Variants in KLHL1 observed in about 807,000 individuals in gnomAD.
KLHL1 encodes the protein kelch like family member 1.
A neutral mutation model predicts 77.7 loss-of-function variants in KLHL1; 47 were observed. The ratio of observed to expected loss-of-function variants is 0.60; its 90% CI spans 0.48 to 0.77. The LOEUF is 0.77. KLHL1 is among the 30% of genes least tolerant of loss of function. KLHL1 has a pLI of 0.00. For synonymous variants in KLHL1, 360 were observed against 325.2 expected, an observed-to-expected ratio of 1.11 and a Z score of -1.15; for missense variants, 925 against 910.8, an observed-to-expected ratio of 1.02 and a Z score of -0.20.
chr13:69,885,139 A>G, intron 4 of KLHL1, among the ~76,000 whole-genome samples: 1 of 145,490 alleles, frequency 6.9e-6, no homozygotes, highest in Non-Finnish European at 1.5e-5. Flanking sequence ...ACGGGGTTTC[A>G]CCGTGTTAGC....
chr13:69,876,252 CTCTT>C (rs796121619), intron 5 of KLHL1, among the ~76,000 whole-genome samples: 4 of 152,192 alleles, frequency 2.6e-5, no homozygotes, highest in African/African-American at 9.6e-5. Context: ...TATTGATTTA[CTCTT>C]TCTAACTGTT....
At position 69,829,649 on chromosome 13, in the gene KLHL1, G is replaced by T. The variant is rs117735667; in HGVS notation, c.1414+9327C>A. 9.4e-3 allele frequency among the ~76,000 whole-genome samples: 1,413 copies of T among 149,900 alleles called. 53 individuals are homozygous for T. The highest frequency in any genetic ancestry group is 0.014 in the Non-Finnish European group (928 of 67,736). On this transcript the variant is annotated intron_variant, in intron 6 of 10. Transcript: ENST00000377844. ...GTTGGTTATTAAGCTACTCAACAAG[G>T]CGCCAGAGAAAGGTGAAAAACAAGG...
intron 1 of KLHL1, 148 bp downstream of exon 1, chr13:70,107,055 T>G: frequency 8.3e-7 from 1 of 1,198,380 alleles, no homozygotes; most frequent in Non-Finnish European, 1.1e-6. Flanking sequence ...GTAATGAAAT[T>G]AGAACTTGAG....
At chr13:69,967,809 T>C (rs9572319) in intron 2 of KLHL1, among the ~76,000 whole-genome samples, 93,206 of 150,814 alleles carry the variant, frequency 0.62, 28,812 homozygotes, top group South Asian at 0.65. Flanking sequence ...TGCTTGAACC[T>C]GGGAAGCGGA....
At chr13:69,850,884 T>G (rs1879657895) in intron 5 of KLHL1, among the ~76,000 whole-genome samples, 1 of 151,692 alleles carries the variant, frequency 6.6e-6, no homozygotes, top group Non-Finnish European at 1.5e-5. Context: ...ATTTTCGCAC[T>G]TTGTCTTTAA....
At chr13:69,985,554 T>A (rs1228671801) in intron 1 of KLHL1, among the ~76,000 whole-genome samples, 1 of 151,596 alleles carries the variant, frequency 6.6e-6, no homozygotes, top group East Asian at 1.9e-4. Flanking sequence ...GAATGTAAAT[T>A]AGTACAGCCA....
chr13:69,802,983 C>A (rs1356397837), intron 6 of KLHL1: 1 of 152,124 alleles, frequency 6.6e-6, no homozygotes, highest in Non-Finnish European at 1.5e-5. Flanking sequence ...TCAATCATAA[C>A]CAATTACAGA....
At chr13:69,786,804 C>T (rs1449809811) in intron 7 of KLHL1, among the ~76,000 whole-genome samples, 1 of 152,176 alleles carries the variant, frequency 6.6e-6, no homozygotes, top group African/African-American at 2.4e-5. Flanking sequence ...GCAACTTCAG[C>T]AAAGTCTCAG....
At chr13:69,863,500 AT>A (rs1880252462) in intron 5 of KLHL1, among the ~76,000 whole-genome samples, 1 of 123,970 alleles carries the variant, frequency 8.1e-6, no homozygotes, top group African/African-American at 3.4e-5. Context: ...AACATAAGAA[AT>A]AAAAAAATTT....
At chr13:69,839,843 G>A (rs1444669762) in intron 5 of KLHL1, among the ~76,000 whole-genome samples, 1 of 151,864 alleles carries the variant, frequency 6.6e-6, no homozygotes, top group East Asian at 1.9e-4. Context: ...ATTATTTTGT[G>A]TACATTTATT....
At chr13:69,831,524 G>A (rs114625311) in intron 6 of KLHL1, among the ~76,000 whole-genome samples, 6,496 of 149,694 alleles carry the variant, frequency 0.043, 925 homozygotes, top group African/African-American at 0.15. Flanking sequence ...AGATATTCAA[G>A]GAAGAATTGG....
intron 6 of KLHL1, among the ~76,000 whole-genome samples, chr13:69,806,077 G>T (rs946430491): frequency 6.6e-6 from 1 of 152,086 alleles, no homozygotes; most frequent in African/African-American, 2.4e-5. Context: ...ATACATATGA[G>T]TATTTTTAAT....
intron 3 of KLHL1, among the ~76,000 whole-genome samples, chr13:69,949,189 CA>C (rs1883625844): frequency 1.3e-5 from 2 of 151,640 alleles, no homozygotes; most frequent in South Asian, 4.1e-4. Flanking sequence ...ACTTCCTTTA[CA>C]TTCCTTAGAT....
intron 6 of KLHL1, among the ~76,000 whole-genome samples, chr13:69,821,634 G>A (rs574007791): frequency 6.6e-6 from 1 of 152,118 alleles, no homozygotes; most frequent in South Asian, 2.1e-4. Context: ...ATAATTTAAA[G>A]AGCTCTTCAT....
intron 4 of KLHL1, among the ~76,000 whole-genome samples, chr13:69,901,795 CTTTT>C (rs1205221353): frequency 1.5e-4 from 6 of 40,796 alleles, no homozygotes; most frequent in African/African-American, 1.9e-4. Flanking sequence ...TTCTTTTTTT[CTTTT>C]TTTTTTTTTT....
chr13:70,060,265 C>A (rs1886845972), intron 1 of KLHL1, among the ~76,000 whole-genome samples: 1 of 152,094 alleles, frequency 6.6e-6, no homozygotes, highest in Admixed American at 6.5e-5. Context: ...CAGGTAATAA[C>A]AAATGCTGGT....
intron 7 of KLHL1, among the ~76,000 whole-genome samples, chr13:69,786,061 C>T (rs1452151089): frequency 4.6e-5 from 7 of 152,070 alleles, no homozygotes; most frequent in African/African-American, 1.2e-4. Context: ...GATTCACAGC[C>T]GAATTCTACC....
At chr13:69,709,889 A>G (rs1566352434) in intron 9 of KLHL1, among the ~76,000 whole-genome samples, 2 of 151,790 alleles carry the variant, frequency 1.3e-5, no homozygotes, top group South Asian at 4.1e-4. Context: ...TAGTACAAAT[A>G]ACTTTAAAGT....
chr13:69,711,078 C>G (rs1275530978), intron 9 of KLHL1, among the ~76,000 whole-genome samples: 2 of 152,062 alleles, frequency 1.3e-5, no homozygotes, highest in Middle Eastern at 6.8e-3. Context: ...TTTTAAGAAA[C>G]CATTAATTTT....
Sources: gnomAD v4.1 joint callset for allele counts (sites outside exome capture counted in the v4.1 genomes callset) on GRCh38, gnomAD v4.1.1 for gene constraint, MANE v1.5 for transcripts, NCBI Gene and HGNC (gene_info 2026-07-23, HGNC 2026-07-21) for gene names.